CYP20A1: variants seen among roughly 807,000 people sequenced by gnomAD.
CYP20A1 encodes cytochrome P450 family 20 subfamily A member 1.
Under a neutral mutation model 61.4 loss-of-function variants are expected in CYP20A1, and 61 were observed. That is an observed-to-expected ratio of 0.99 (90% CI 0.81 to 1.23). The LOEUF (loss-of-function observed/expected upper bound fraction) is 1.23. CYP20A1 is among the 50% of genes most tolerant of loss of function. The pLI, the probability that CYP20A1 is intolerant of heterozygous loss-of-function variation, is 0.00. For missense variants in CYP20A1, 530 were observed against 542.4 expected (o/e 0.98, Z 0.23); for synonymous variants, 193 against 188.2 (o/e 1.03, Z -0.21).
At chr2:203,261,287 G>A (rs182608004) in intron 4 of CYP20A1, among the ~76,000 whole-genome samples, 41 of 152,132 alleles carry the variant, frequency 2.7e-4, no homozygotes, top group African/African-American at 9.6e-4. Flanking sequence ...GCTGGGCACA[G>A]TAACTTATGC....
chr2:203,268,602 T>TG (rs555181251), intron 5 of CYP20A1, among the ~76,000 whole-genome samples: 110 of 152,176 alleles, frequency 7.2e-4, no homozygotes, highest in Non-Finnish European at 1.1e-3. Context: ...TTGTTTTTTT[T>TG]TTTGTTTGTT....
intron 3 of CYP20A1, among the ~76,000 whole-genome samples, chr2:203,249,067 A>T (rs1171639095): frequency 6.6e-6 from 1 of 152,208 alleles, no homozygotes; most frequent in African/African-American, 2.4e-5. Flanking sequence ...TCAGGTCATA[A>T]AGGTAATACA....
At chr2:203,285,577 T>C in intron 8 of CYP20A1, 35 bp from the exon 9 acceptor site, 1 of 1,502,168 alleles carries the variant, frequency 6.7e-7, no homozygotes, top group Non-Finnish European at 8.8e-7. Flanking sequence ...ATGAGTTAGC[T>C]ATTTTCATTG....
intron 6 of CYP20A1, among the ~76,000 whole-genome samples, 180 bp from the exon 7 acceptor site, chr2:203,278,393 A>G (rs947834985): frequency 3.3e-5 from 5 of 152,230 alleles, no homozygotes; most frequent in Non-Finnish European, 7.3e-5. Context: ...TTTTGTATGT[A>G]TGTTAAATTT....
chr2:203,267,570 C>T (rs1223936621), intron 5 of CYP20A1, among the ~76,000 whole-genome samples: 3 of 142,144 alleles, frequency 2.1e-5, no homozygotes, highest in African/African-American at 5.3e-5. Context: ...CTTGGCCGGG[C>T]GTGGTGGCTC....
In CYP20A1 at chr2:203,252,130, G is replaced by C. The variant is rs747370983; in HGVS notation, c.432+21G>C. ...TAAAGGTAAGGTGATAAGTAGTTTG[G>C]TCTAGTGTTCTACAACATAAATAAT... On this transcript the variant is annotated intron_variant, in intron 4 of 12. Coordinates refer to ENST00000356079, the MANE Select transcript of CYP20A1 (RefSeq NM_177538.3). 4 of 1,577,388 alleles carry C rather than the reference G, an allele frequency of 2.5e-6. No homozygotes were observed. The South Asian group carries it at 4.7e-5, about 18-fold the overall frequency.
chr2:203,294,476 T>C (rs2152113315), intron 11 of CYP20A1, among the ~76,000 whole-genome samples: 1 of 151,942 alleles, frequency 6.6e-6, no homozygotes, highest in East Asian at 1.9e-4. Flanking sequence ...GCCGAGGTCA[T>C]GTCATTGCAC....
At chr2:203,244,086 A>G (rs2066361462) in intron 1 of CYP20A1, among the ~76,000 whole-genome samples, 1 of 151,816 alleles carries the variant, frequency 6.6e-6, no homozygotes, top group Non-Finnish European at 1.5e-5. Context: ...GTTACCTCCT[A>G]TTACTGTGAA....
chr2:203,276,842 A>G (rs2067841753), intron 6 of CYP20A1, among the ~76,000 whole-genome samples: 1 of 152,178 alleles, frequency 6.6e-6, no homozygotes. Flanking sequence ...CGGTACATAT[A>G]TTGCACTGAA....
intron 4 of CYP20A1, among the ~76,000 whole-genome samples, chr2:203,253,383 C>G (rs1373454683): frequency 6.6e-6 from 1 of 152,186 alleles, no homozygotes; most frequent in African/African-American, 2.4e-5. Context: ...GGGCTCCGGG[C>G]TCCATCCTCC....
intron 5 of CYP20A1, among the ~76,000 whole-genome samples, chr2:203,271,326 G>T (rs1417437158): frequency 6.6e-6 from 1 of 150,794 alleles, no homozygotes; most frequent in Admixed American, 6.6e-5. Flanking sequence ...CTGATCTCGT[G>T]ATCCGCCTGC....
rs1380698912 is a variant in CYP20A1 at position 203,272,758 on chromosome 2, G to C, written c.679+10G>C. ...AAACAATATGAAGATGGTAAGTTTG[G>C]TCACTTAATTTTTAGTGAGGACAAA... is the stretch of plus-strand genomic sequence containing the variant. On this transcript the variant is annotated intron_variant, in intron 6 of 12. Coordinates refer to ENST00000356079, the MANE Select transcript of CYP20A1 (RefSeq NM_177538.3). 1.6e-5 allele frequency: 25 copies of C among 1,558,070 alleles called. No individual in the cohort carries two copies. Among genetic ancestry groups the C allele is most frequent in the Non-Finnish European group, 2.2e-5 (25 of 1,143,872 alleles).
chr2:203,269,037 T>C (rs893132610), intron 5 of CYP20A1, among the ~76,000 whole-genome samples: 1 of 152,230 alleles, frequency 6.6e-6, no homozygotes, highest in Non-Finnish European at 1.5e-5. Flanking sequence ...AGTTGCATAT[T>C]GTATGTCCTA....
Position 203,296,515 on chromosome 2 carries a change from CT to C in CYP20A1, c.1195del (p.Ser399ProfsTer14). On this transcript the variant is annotated frameshift_variant, in exon 12 of 13. Coordinates refer to ENST00000356079, the MANE Select transcript of CYP20A1 (RefSeq NM_177538.3). LOFTEE classifies it high-confidence loss of function. ...DRFDDELVMKTFSSLGFSGTQ... is the reference protein window; with the variant it reads ...DRFDDELVMKXFSSLGFSGTQ... ...TTTGATGATGAATTAGTAATGAAAA[CT>C]TTTTCCTCACTTGGATTCTCAGGCA... 6.2e-7 allele frequency: 1 copy of C among 1,612,814 alleles called. No homozygotes were observed. The highest frequency in any genetic ancestry group is 2.2e-5 in the East Asian group (1 of 44,796).
At chr2:203,286,430 G>GCCC (rs2068273599) in intron 9 of CYP20A1, among the ~76,000 whole-genome samples, 11 of 152,152 alleles carry the variant, frequency 7.2e-5, no homozygotes, top group Admixed American at 6.5e-5. Context: ...TATATTCATA[G>GCCC]CAAATTGGAA....
At chr2:203,253,364 C>T (rs896904849) in intron 4 of CYP20A1, among the ~76,000 whole-genome samples, 1 of 152,176 alleles carries the variant, frequency 6.6e-6, no homozygotes, top group African/African-American at 2.4e-5. Flanking sequence ...ACAGGTCTCC[C>T]CTGGCCCAGG....
intron 1 of CYP20A1, among the ~76,000 whole-genome samples, chr2:203,245,031 C>CTT (rs1191004801): frequency 3.0e-4 from 34 of 115,216 alleles, no homozygotes; most frequent in African/African-American, 8.9e-4. Context: ...CACGCCCAGC[C>CTT]TTTTTTTTTT....
chr2:203,272,830 A>G, intron 6 of CYP20A1, 82 bp downstream of exon 6: 1 of 739,284 alleles, frequency 1.4e-6, no homozygotes. Context: ...GAATAGTGAG[A>G]TTAAAGGTCA....
intron 1 of CYP20A1, among the ~76,000 whole-genome samples, chr2:203,242,595 C>A (rs551010523): frequency 6.6e-6 from 1 of 151,942 alleles, no homozygotes; most frequent in Non-Finnish European, 1.5e-5. Flanking sequence ...TGAGACTAGA[C>A]TGAGCATTAT....
Sources: allele counts gnomAD v4.1 joint callset (sites outside exome capture counted in the v4.1 genomes callset), GRCh38; gene constraint gnomAD v4.1.1; transcripts MANE v1.5; gene names NCBI Gene and HGNC (gene_info 2026-07-23, HGNC 2026-07-21).